Variants in RYR2 observed in about 807,000 individuals in gnomAD.
RYR2 encodes the protein cardiac muscle ryanodine receptor-calcium release channel.
Under a neutral mutation model 601.1 loss-of-function variants are expected in RYR2, and 227 were observed. That is an observed-to-expected ratio of 0.38 (90% CI 0.34 to 0.42). RYR2 has a LOEUF of 0.42. Among genes scored for constraint, RYR2 ranks in the 10% least tolerant of loss-of-function variants. The pLI, the probability that RYR2 is intolerant of heterozygous loss-of-function variation, is 1.00. For synonymous variants in RYR2, 2,223 were observed against 2,175.1 expected (o/e 1.02, Z -0.61); for missense variants, 4,646 against 6,156.5 (o/e 0.75, Z 8.21).
intron 100 of RYR2, among the ~76,000 whole-genome samples, chr1:237,809,593 A>G (rs1661041990): frequency 6.6e-6 from 1 of 152,156 alleles, no homozygotes; most frequent in Admixed American, 6.5e-5. Flanking sequence ...GTAATCATAC[A>G]TGAGATCTTA....
At chr1:237,536,452 C>T (rs1017761939) in intron 25 of RYR2, among the ~76,000 whole-genome samples, 8 of 142,546 alleles carry the variant, frequency 5.6e-5, no homozygotes, top group African/African-American at 1.6e-4. Context: ...TGGTGGCTCA[C>T]GCCTGTAACC....
At chr1:237,587,387 T>A (rs1572985862) in intron 29 of RYR2, among the ~76,000 whole-genome samples, 1 of 152,180 alleles carries the variant, frequency 6.6e-6, no homozygotes, top group Non-Finnish European at 1.5e-5. Flanking sequence ...AATGAAAGCT[T>A]GTTTTTTAAT....
At position 237,286,405 on chromosome 1, in the gene RYR2, T is replaced by C. The variant is rs540296777; in HGVS notation, c.168+15789T>C. 1.3e-3 allele frequency among the ~76,000 whole-genome samples: 197 copies of C among 151,916 alleles called. 2 individuals carry two copies. The highest frequency in any genetic ancestry group is 2.1e-3 in the Non-Finnish European group (143 of 67,978). ...GGATTGCTTGATATAATTTCAGTTTTCTTAAATTTATTGAGCCTTGTTTTA... is the reference window on the plus strand; with the variant it reads ...GGATTGCTTGATATAATTTCAGTTTCCTTAAATTTATTGAGCCTTGTTTTA... On this transcript the variant is annotated intron_variant, in intron 2 of 104. Transcript: ENST00000366574.
chr1:237,374,655 TCAAACA>T, intron 6 of RYR2, 56 bp from the exon 7 acceptor site: 1 of 1,403,570 alleles, frequency 7.1e-7, no homozygotes, highest in Non-Finnish European at 9.9e-7. Context: ...CAACCTTGTC[TCAAACA>T]CAAACAACAG....
At chr1:237,805,572 C>CTTTTTTTTTTTTTTTTTTTT (rs1491315093) in intron 98 of RYR2, among the ~76,000 whole-genome samples, 1 of 99,008 alleles carries the variant, frequency 1.0e-5, no homozygotes, top group Admixed American at 1.2e-4. Flanking sequence ...CAGAGCTAGA[C>CTTTTTTTTTTTTTTTTTTTT]TCTGTCTCAA....
At chr1:237,498,368 A>C (rs1222897276) in intron 20 of RYR2, among the ~76,000 whole-genome samples, 4 of 152,140 alleles carry the variant, frequency 2.6e-5, no homozygotes, top group Non-Finnish European at 5.9e-5. Context: ...CCTGCTGACC[A>C]AGCAGAGAGA....
intron 16 of RYR2, among the ~76,000 whole-genome samples, chr1:237,460,229 T>C (rs1659316419): frequency 6.6e-6 from 1 of 152,192 alleles, no homozygotes; most frequent in Non-Finnish European, 1.5e-5. Flanking sequence ...AAGTTATCCC[T>C]TGTGAAAGAG....
intron 15 of RYR2, among the ~76,000 whole-genome samples, chr1:237,454,953 A>G (rs1658628593): frequency 6.6e-6 from 1 of 152,246 alleles, no homozygotes; most frequent in African/African-American, 2.4e-5. Flanking sequence ...ACTATTCAGC[A>G]GGTGCTCCTT....
intron 96 of RYR2, among the ~76,000 whole-genome samples, chr1:237,796,788 T>TC (rs1195113999): frequency 6.6e-6 from 1 of 152,014 alleles, no homozygotes; most frequent in Non-Finnish European, 1.5e-5. Context: ...CCCTCCATTT[T>TC]CTTTTTTTGT....
At chr1:237,298,317 G>A (rs1231736088) in intron 2 of RYR2, among the ~76,000 whole-genome samples, 3 of 152,046 alleles carry the variant, frequency 2.0e-5, no homozygotes, top group South Asian at 2.1e-4. Flanking sequence ...ATGGACTCTA[G>A]TAATCCAAGG....
intron 1 of RYR2, among the ~76,000 whole-genome samples, chr1:237,103,858 C>T (rs367935787): frequency 7.4e-4 from 112 of 152,274 alleles, no homozygotes; most frequent in Middle Eastern, 3.4e-3. Context: ...CGTGAGCCAC[C>T]GCGGCCAGCC....
chr1:237,777,278 C>T (rs1350231131), intron 87 of RYR2, among the ~76,000 whole-genome samples: 6 of 152,100 alleles, frequency 3.9e-5, no homozygotes, highest in Non-Finnish European at 7.4e-5. Flanking sequence ...GAGTCTACTG[C>T]TTTTGTAGAC....
intron 11 of RYR2, among the ~76,000 whole-genome samples, chr1:237,422,044 A>G (rs538045756): frequency 1.3e-5 from 2 of 152,084 alleles, no homozygotes; most frequent in Non-Finnish European, 2.9e-5. Context: ...TCAATGATAT[A>G]TATGGCCTGT....
intron 2 of RYR2, among the ~76,000 whole-genome samples, chr1:237,272,293 T>C (rs144263062): frequency 6.6e-6 from 1 of 150,958 alleles, no homozygotes; most frequent in African/African-American, 2.4e-5. Context: ...GCAGGGGCGA[T>C]AGAGGCAAAG....
intron 1 of RYR2, among the ~76,000 whole-genome samples, chr1:237,267,062 C>G (rs1689144069): frequency 6.6e-6 from 1 of 152,270 alleles, no homozygotes; most frequent in Admixed American, 6.5e-5. Context: ...TATTTAAATC[C>G]ATTCCTTTCC....
chr1:237,679,596 G>C (rs1215882455), intron 61 of RYR2, among the ~76,000 whole-genome samples: 1 of 152,170 alleles, frequency 6.6e-6, no homozygotes, highest in Non-Finnish European at 1.5e-5. Context: ...GGCCAGGAAA[G>C]GGCTATAATG....
intron 12 of RYR2, among the ~76,000 whole-genome samples, chr1:237,439,637 C>G (rs1301212812): frequency 6.6e-6 from 1 of 150,928 alleles, no homozygotes; most frequent in East Asian, 1.9e-4. Context: ...GAGAAAGACT[C>G]CATCTCAAAA....
chr1:237,741,840 G>C (rs943877097), intron 79 of RYR2, among the ~76,000 whole-genome samples: 4 of 152,122 alleles, frequency 2.6e-5, no homozygotes, highest in Non-Finnish European at 4.4e-5. Context: ...GACCTCAGGT[G>C]ATCTGCCCGC....
At chr1:237,199,940 GTTAA>G (rs1420126136) in intron 1 of RYR2, among the ~76,000 whole-genome samples, 12 of 152,184 alleles carry the variant, frequency 7.9e-5, no homozygotes, top group African/African-American at 2.7e-4. Context: ...AGAAATGTTC[GTTAA>G]TTAGCCGAGT....
Sources: allele counts gnomAD v4.1 joint callset (sites outside exome capture counted in the v4.1 genomes callset), GRCh38; gene constraint gnomAD v4.1.1; transcripts MANE v1.5; gene names NCBI Gene and HGNC (gene_info 2026-07-23, HGNC 2026-07-21).